The following NBEAL2 variants were observed in gnomAD, a reference collection of about 807,000 sequenced individuals.
NBEAL2 encodes the protein neurobeachin-like protein 2.
NBEAL2 carries 160 observed loss-of-function variants against 299.8 expected under a neutral mutation model. The observed-to-expected ratio is 0.53, with a 90% CI of 0.47 to 0.61. NBEAL2 has a LOEUF of 0.61. Ranked by LOEUF, NBEAL2 falls within the 20% of genes least tolerant of loss-of-function variation. NBEAL2 has a pLI of 0.00. For missense variants in NBEAL2, 3,112 were observed against 3,649.0 expected, an observed-to-expected ratio of 0.85 and a Z score of 3.79; for synonymous variants, 1,493 against 1,542.3, an observed-to-expected ratio of 0.97 and a Z score of 0.75.
chr3:47,004,148 C>A lies in NBEAL2; in HGVS notation c.5953C>A (p.Arg1985Ser), dbSNP rs772059475. ...EVHLRRFNLRRSALELFFIDQ... is the reference protein window; with the variant it reads ...EVHLRRFNLRSSALELFFIDQ... The stretch of plus-strand genomic sequence containing the variant: ...CCACCTGCGGCGTTTCAACCTGCGC[C>A]GTTCAGCACTTGAGCTCTTCTTTAT... Residue 1985 changes from arginine (R) to serine (S), a missense_variant, in exon 37 of 54, where the codon CGT becomes AGT. Coordinates refer to ENST00000450053, the MANE Select transcript of NBEAL2 (RefSeq NM_015175.3). This position sits in a 1 kb window ranked among gnomAD's most constrained non-coding sequence, Gnocchi z 5.0. The A allele has an allele frequency of 6.2e-7, 1 of 1,613,710 alleles. No homozygotes were observed. Among genetic ancestry groups the A allele is most frequent in the Non-Finnish European group, 8.5e-7 (1 of 1,179,786 alleles).
intron 48 of NBEAL2, 22 bp downstream of exon 48, chr3:47,007,719 G>A (rs368433635): frequency 6.2e-7 from 1 of 1,608,924 alleles, no homozygotes; most frequent in African/African-American, 1.3e-5. Context: ...CTTGGAGCTG[G>A]GGAGAATGAG....
chr3:47,001,889 TGGGTG>T lies in NBEAL2; in HGVS notation c.4783-30_4783-26del, dbSNP rs2037028048. On this transcript the variant is annotated intron_variant, in intron 30 of 53. Transcript: ENST00000450053. The surrounding 1 kb of genome is among the most constrained non-coding windows in gnomAD (Gnocchi z 6.1). ...AGATGTCGGGAGCTCCAAGAGTGGC[TGGGTG>T]CCACTCATCTCTCTTGCGCCCACAG... 6.2e-7 allele frequency: 1 copy of T among 1,606,846 alleles called. No homozygotes were observed. Among genetic ancestry groups the T allele is most frequent in the Non-Finnish European group, 8.5e-7 (1 of 1,174,752 alleles).
chr3:47,004,115 C>T lies in NBEAL2; in HGVS notation c.5920C>T (p.Arg1974Cys), dbSNP rs371052089. The change falls in exon 37 of 54, where the codon CGT (arginine) becomes TGT (cysteine). Residue 1974 changes from arginine (R) to cysteine (C), a missense_variant. Around this residue, in one of 3 missense-constraint regions of NBEAL2, gnomAD observed 521 missense variants for 729.6 expected, o/e 0.71. Coordinates refer to ENST00000450053, the MANE Select transcript of NBEAL2 (RefSeq NM_015175.3). The surrounding 1 kb of genome is among the most constrained non-coding windows in gnomAD (Gnocchi z 5.0). ...YDFRRPLAQL[R>C]EVHLRRFNLR... Reference sequence around the variant, plus strand: ...TTTCCGGCGCCCACTGGCCCAGCTGCGTGAGGTCCACCTGCGGCGTTTCAA... The same window carrying T: ...TTTCCGGCGCCCACTGGCCCAGCTGTGTGAGGTCCACCTGCGGCGTTTCAA... 47 of 1,613,324 alleles carry T rather than the reference C, an allele frequency of 2.9e-5. No homozygotes were observed. Among genetic ancestry groups the T allele is most frequent in the African/African-American group, 4.0e-5 (3 of 74,862 alleles).
At position 46,988,630 on chromosome 3, in the gene NBEAL2, C is replaced by T. The variant is rs775451304; in HGVS notation, c.52-39C>T. 17 of 1,570,918 alleles carry T rather than the reference C, an allele frequency of 1.1e-5. No individual in the cohort carries two copies. In the East Asian group the frequency reaches 2.7e-4, roughly 25 times the overall value. ...TGTCCCTGCCCTGTTTACTGCATCC[C>T]TCCTGCCCCCCACCACTGTTCCCCT... is the stretch of plus-strand genomic sequence containing the variant. On this transcript the variant is annotated intron_variant, in intron 1 of 53. Transcript: ENST00000450053. The surrounding 1 kb of genome is among the most constrained non-coding windows in gnomAD (Gnocchi z 4.4).
chr3:46,984,339 G>A (rs543614536), intron 1 of NBEAL2, among the ~76,000 whole-genome samples: 17 of 152,154 alleles, frequency 1.1e-4, no homozygotes, highest in Admixed American at 2.0e-4. Context: ...AATAGTACAA[G>A]GGGATGGTCA....
chr3:47,003,855 G>A lies in NBEAL2; in HGVS notation c.5760G>A (p.Leu1920=), dbSNP rs1215777496. The change falls in exon 36 of 54, where the codon CTG becomes CTA. Residue 1920 remains leucine (L), a synonymous_variant. Transcript: ENST00000450053. This position sits in a 1 kb window ranked among gnomAD's most constrained non-coding sequence, Gnocchi z 7.0. ...AACTGGATGAGCAGCGTGAGAAGCT[G>A]GTGCTGTCGGCCGAGTGCCAGCTGG... ...AAELDEQREK[L]VLSAECQLVT... is the part of the protein sequence containing the mutation. 2 of 1,612,580 alleles carry A rather than the reference G, an allele frequency of 1.2e-6. No individual in the cohort carries two copies. Among genetic ancestry groups the A allele is most frequent in the African/African-American group, 2.7e-5 (2 of 74,880 alleles).
chr3:46,982,549 A>C lies in NBEAL2; in HGVS notation c.51+2637A>C, dbSNP rs1283231566. Among the ~76,000 whole-genome samples, 1 of 152,176 alleles carries C rather than the reference A, an allele frequency of 6.6e-6. No individual in the cohort carries two copies. The highest frequency in any genetic ancestry group is 1.5e-5 in the Non-Finnish European group (1 of 68,034). On this transcript the variant is annotated intron_variant, in intron 1 of 53. Transcript: ENST00000450053. This position sits in a 1 kb window ranked among gnomAD's most constrained non-coding sequence, Gnocchi z 4.2. ...GTCAGAGCATCCCAGGACTTCACTC[A>C]GTTGGAGCTCCTTAGGGCCCTGGTG...
In NBEAL2 at chr3:47,001,843, C is replaced by G; in HGVS notation, c.4782+17C>G. ...GACCCACAGGTGAGCACAGGGTGAG[C>G]ATGGGGGCAGGGGGCGTGTGAGATG... On this transcript the variant is annotated intron_variant, in intron 30 of 53. Transcript: ENST00000450053. The surrounding 1 kb of genome is among the most constrained non-coding windows in gnomAD (Gnocchi z 6.1). The G allele has an allele frequency of 6.2e-7, 1 of 1,613,172 alleles. No individual in the cohort carries two copies. The highest frequency in any genetic ancestry group is 8.5e-7 in the Non-Finnish European group (1 of 1,179,524).
At position 47,007,114 on chromosome 3, in the gene NBEAL2, C is replaced by T; in HGVS notation, c.7183C>T (p.Gln2395Ter). The T allele has an allele frequency of 6.2e-7, 1 of 1,613,732 alleles. No individual in the cohort carries two copies. The highest frequency in any genetic ancestry group is 1.3e-5 in the African/African-American group (1 of 75,048). The change falls in exon 46 of 54, where the codon CAG becomes TAG. Residue 2395 changes from glutamine to a stop codon, truncating the protein, a stop_gained. Coordinates refer to ENST00000450053, the MANE Select transcript of NBEAL2 (RefSeq NM_015175.3). LOFTEE classifies it high-confidence loss of function. ...PLVLALVPHR[Q>*]PHSFITQGSP... is the part of the protein sequence containing the mutation. Reference sequence around the variant, plus strand: ...GGTGCTAGCCCTGGTCCCCCACCGGCAGCCCCACTCCTTCATCACCCAGGG... The same window carrying T: ...GGTGCTAGCCCTGGTCCCCCACCGGTAGCCCCACTCCTTCATCACCCAGGG...
At chr3:46,997,481 TAGG>T in intron 19 of NBEAL2, 48 bp downstream of exon 19, 1 of 1,594,546 alleles carries the variant, frequency 6.3e-7, no homozygotes. Context: ...CTTGGCATGG[TAGG>T]GGGGTGGAAT....
chr3:46,996,902 C>T, intron 17 of NBEAL2, 52 bp from the exon 18 acceptor site: 1 of 1,607,964 alleles, frequency 6.2e-7, no homozygotes, highest in Non-Finnish European at 8.5e-7. Context: ...ACTCTGCCTG[C>T]CACCCCCTCC....
At chr3:47,005,123 A>G (rs1346722078) in intron 39 of NBEAL2, 27 bp downstream of exon 39, 1 of 1,613,874 alleles carries the variant, frequency 6.2e-7, no homozygotes, top group Non-Finnish European at 8.5e-7. Flanking sequence ...GGCTGGGCTC[A>G]GCGGGTAGGG....
rs889937465 is a variant in NBEAL2, at chr3:47,000,240, A to C, written c.4141A>C (p.Thr1381Pro). 6.2e-7 allele frequency: 1 copy of C among 1,612,472 alleles called. No homozygotes were observed. The highest frequency in any genetic ancestry group is 1.7e-5 in the Admixed American group (1 of 59,940). Residue 1381 changes from threonine to proline, a missense_variant, in exon 27 of 54, where the codon ACT becomes CCT. Physicochemically the swap from Thr to Pro is conservative, Grantham distance 38. Coordinates refer to ENST00000450053, the MANE Select transcript of NBEAL2 (RefSeq NM_015175.3). This position sits in a 1 kb window ranked among gnomAD's most constrained non-coding sequence, Gnocchi z 4.5. ...AGGGGSSGTL[T>P]PASQPGTPSP... ...TGGTGGCGGCAGCAGTGGGACTCTT[A>C]CTCCAGCCAGCCAGCCCGGCACTCC...
At position 47,007,051 on chromosome 3, in the gene NBEAL2, C is replaced by A. The variant is rs751894206; in HGVS notation, c.7135-15C>A. 41 of 1,602,150 alleles carry A rather than the reference C, an allele frequency of 2.6e-5. No individual in the cohort carries two copies. The highest frequency in any genetic ancestry group is 3.2e-5 in the Non-Finnish European group (38 of 1,172,966). On this transcript the variant is annotated splice_polypyrimidine_tract_variant and intron_variant, in intron 45 of 53. Coordinates refer to ENST00000450053, the MANE Select transcript of NBEAL2 (RefSeq NM_015175.3). Reference sequence around the variant, plus strand: ...TAGTACTCAGGCATAGCTAGGCCTGCCCTTGCCCCTGCAGGTTGTCAGTGA... The same window carrying A: ...TAGTACTCAGGCATAGCTAGGCCTGACCTTGCCCCTGCAGGTTGTCAGTGA...
In NBEAL2 at chr3:47,004,563, C is replaced by G. The variant is rs111945488; in HGVS notation, c.6267C>G (p.Thr2089=). Residue 2089 remains threonine (T), a synonymous_variant, in exon 38 of 54, where the codon ACC becomes ACG. Coordinates refer to ENST00000450053, the MANE Select transcript of NBEAL2 (RefSeq NM_015175.3). The surrounding 1 kb of genome is among the most constrained non-coding windows in gnomAD (Gnocchi z 5.0). The part of the protein sequence containing the change: ...LMQLNTIAGR[T]YNDLSQYPVF... ...AACTCAACACCATTGCGGGGCGGAC[C>G]TACAATGACCTGTCTCAGTACCCTG... is the stretch of plus-strand genomic sequence containing the variant. 244 of 1,613,758 alleles carry G rather than the reference C, an allele frequency of 1.5e-4. No individual in the cohort carries two copies. In the African/African-American group the frequency reaches 2.9e-3, roughly 19 times the overall value.
chr3:46,995,868 G>A (rs750932894), intron 14 of NBEAL2, 22 bp downstream of exon 14: 1 of 1,613,762 alleles, frequency 6.2e-7, no homozygotes, highest in African/African-American at 1.3e-5. Flanking sequence ...TCCTTCTCAT[G>A]TGGCCCAGTA....
chr3:47,005,357 A>G (rs779325603), intron 40 of NBEAL2, 36 bp downstream of exon 40: 1 of 1,592,284 alleles, frequency 6.3e-7, no homozygotes, highest in South Asian at 1.1e-5. Flanking sequence ...ACTAGGGGGC[A>G]GATAAGGGGA....
intron 1 of NBEAL2, chr3:46,987,994 C>T: frequency 7.8e-7 from 1 of 1,276,930 alleles, no homozygotes; most frequent in Non-Finnish European, 1.0e-6. Flanking sequence ...CCGTTCACAC[C>T]AAAGTTTTCC....
chr3:47,006,549 T>C, intron 45 of NBEAL2, 100 bp downstream of exon 45: 1 of 1,163,396 alleles, frequency 8.6e-7, no homozygotes, highest in East Asian at 2.6e-5. Context: ...CTAATCAAGG[T>C]CACTGATTTC....
Sources: allele counts gnomAD v4.1 joint callset (sites outside exome capture counted in the v4.1 genomes callset), GRCh38; gene constraint gnomAD v4.1.1; regional missense constraint gnomAD v4.1.1; non-coding constraint Gnocchi (gnomAD v3.1); transcripts MANE v1.5; gene names NCBI Gene and HGNC (gene_info 2026-07-23, HGNC 2026-07-21).